The following C1orf21 variants were observed in gnomAD, a reference collection of about 807,000 sequenced individuals.
The protein encoded by C1orf21 is chromosome 1 open reading frame 21.
In C1orf21, 3 loss-of-function variants were observed where a neutral mutation model predicts 18.7. The observed-to-expected ratio is 0.16, with a 90% CI of 0.07 to 0.42. C1orf21 has a LOEUF of 0.42. Ranked by LOEUF, C1orf21 falls within the 10% of genes least tolerant of loss-of-function variation. The pLI is 0.99. For missense variants in C1orf21, 104 were observed against 143.6 expected, an observed-to-expected ratio of 0.72 and a Z score of 1.41; for synonymous variants, 41 against 46.4, an observed-to-expected ratio of 0.88 and a Z score of 0.47.
intron 2 of C1orf21, among the ~76,000 whole-genome samples, chr1:184,479,613 CTTTTTT>C (rs55840285): frequency 4.8e-5 from 3 of 62,214 alleles, no homozygotes; most frequent in East Asian, 1.2e-3. Context: ...TCCCATAGGT[CTTTTTT>C]TTTTTTTTTT....
intron 2 of C1orf21, among the ~76,000 whole-genome samples, chr1:184,506,985 G>T (rs1231002041): frequency 6.7e-6 from 1 of 150,168 alleles, no homozygotes; most frequent in Non-Finnish European, 1.5e-5. Context: ...ACATATATAT[G>T]AAATAAATAT....
chr1:184,603,234 A>G (rs1659608107), intron 5 of C1orf21, among the ~76,000 whole-genome samples: 1 of 152,206 alleles, frequency 6.6e-6, no homozygotes, highest in Non-Finnish European at 1.5e-5. Context: ...CTATCCATAG[A>G]TAGTTGTGAC....
chr1:184,523,966 C>T (rs557556779), intron 3 of C1orf21, among the ~76,000 whole-genome samples: 1 of 152,264 alleles, frequency 6.6e-6, no homozygotes, highest in African/African-American at 2.4e-5. Context: ...AATCTTACGT[C>T]AACTTGTCTT....
At chr1:184,508,872 A>G (rs1007973880) in intron 3 of C1orf21, among the ~76,000 whole-genome samples, 3 of 152,212 alleles carry the variant, frequency 2.0e-5, no homozygotes, top group African/African-American at 7.2e-5. Context: ...GAAAGTAGCT[A>G]TGACTAAATA....
chr1:184,510,730 C>A (rs1249038388), intron 3 of C1orf21, among the ~76,000 whole-genome samples: 2 of 152,168 alleles, frequency 1.3e-5, no homozygotes, highest in Non-Finnish European at 2.9e-5. Context: ...TAATGTCCAG[C>A]CAAGAGGCCT....
intron 1 of C1orf21, among the ~76,000 whole-genome samples, chr1:184,412,658 A>AG (rs1189069760): frequency 6.6e-6 from 1 of 151,836 alleles, no homozygotes. Context: ...AAAGAAAAAA[A>AG]ATAGTTGGGC....
chr1:184,410,664 T>TAA lies in C1orf21; in HGVS notation c.-125+23296_-125+23297insAA, dbSNP rs1553248058. Reference sequence around the variant, plus strand: ...ATATATATATATATATATATATATATTTTTTTTTTTTTTTTTTGAGATGGA... The same window carrying TAA: ...ATATATATATATATATATATATATATAATTTTTTTTTTTTTTTTTGAGATGGA... On this transcript the variant is annotated intron_variant, in intron 1 of 5. Coordinates refer to ENST00000235307, the MANE Select transcript of C1orf21 (RefSeq NM_030806.4). Among the ~76,000 whole-genome samples the TAA allele has an allele frequency of 4.0e-3, 12 of 3,010 alleles. 4 individuals carry two copies. The African/African-American group carries it at 0.054, about 13-fold the overall frequency. 2.0% of individuals were successfully genotyped at this position (3,010 alleles called of 152,430 possible).
chr1:184,429,656 A>G (rs1055877925), intron 1 of C1orf21, among the ~76,000 whole-genome samples: 1 of 151,912 alleles, frequency 6.6e-6, no homozygotes, highest in African/African-American at 2.4e-5. Context: ...ATGTTCCAGC[A>G]GCTTAGTAGC....
intron 1 of C1orf21, among the ~76,000 whole-genome samples, chr1:184,408,877 A>G (rs1656288933): frequency 6.6e-6 from 1 of 152,222 alleles, no homozygotes; most frequent in Non-Finnish European, 1.5e-5. Flanking sequence ...CATAATAAAA[A>G]TGGCACATTA....
At position 184,585,864 on chromosome 1, in the gene C1orf21, A is replaced by G. The variant is rs151264938; in HGVS notation, c.190-4875A>G. Among the ~76,000 whole-genome samples the G allele has an allele frequency of 6.2e-3, 947 of 152,224 alleles. 10 individuals carry two copies. The highest frequency in any genetic ancestry group is 0.022 in the African/African-American group (899 of 41,546). ...GTACCACATTTTCTTTATTCAGTCT[A>G]CCACTGGTGGGCATTTGGGTTGATT... On this transcript the variant is annotated intron_variant, in intron 3 of 5. Transcript: ENST00000235307.
chr1:184,481,944 C>T lies in C1orf21; in HGVS notation c.94+4341C>T, dbSNP rs112910318. Among the ~76,000 whole-genome samples the T allele has an allele frequency of 1.0e-3, 159 of 152,264 alleles. 2 individuals are homozygous for T. The highest frequency in any genetic ancestry group is 3.8e-3 in the African/African-American group (157 of 41,546). On this transcript the variant is annotated intron_variant, in intron 2 of 5. Transcript: ENST00000235307. ...TTAAGGTCTTGTCTGTGTTTCTTCA[C>T]TTAAATTAATTCGCAAGGAGAAGAA...
chr1:184,455,709 A>G (rs1657188553), intron 1 of C1orf21, among the ~76,000 whole-genome samples: 1 of 152,210 alleles, frequency 6.6e-6, no homozygotes, highest in Non-Finnish European at 1.5e-5. Flanking sequence ...AGCATCTAGA[A>G]TGGCTCCTGG....
At chr1:184,544,391 A>T (rs558337401) in intron 3 of C1orf21, among the ~76,000 whole-genome samples, 1 of 152,196 alleles carries the variant, frequency 6.6e-6, no homozygotes, top group African/African-American at 2.4e-5. Flanking sequence ...TGCCCCAAAG[A>T]ACTTTTGAAA....
intron 1 of C1orf21, among the ~76,000 whole-genome samples, chr1:184,403,558 A>G (rs1174011854): frequency 6.6e-6 from 1 of 152,228 alleles, no homozygotes. Context: ...AGGTATGTAC[A>G]TAATTGTTCA....
chr1:184,541,126 T>C (rs1006783792), intron 3 of C1orf21, among the ~76,000 whole-genome samples: 17 of 152,128 alleles, frequency 1.1e-4, no homozygotes, highest in Non-Finnish European at 2.1e-4. Flanking sequence ...TATGAAGGAA[T>C]TGGGATTTAA....
intron 2 of C1orf21, among the ~76,000 whole-genome samples, chr1:184,483,887 T>A (rs559143681): frequency 1.3e-3 from 198 of 147,718 alleles, no homozygotes; most frequent in African/African-American, 4.2e-3. Context: ...CATATCCACC[T>A]TTGCTGCCTT....
At chr1:184,524,016 T>A (rs1658343622) in intron 3 of C1orf21, among the ~76,000 whole-genome samples, 1 of 152,180 alleles carries the variant, frequency 6.6e-6, no homozygotes, top group African/African-American at 2.4e-5. Flanking sequence ...TCTTTTGACT[T>A]TTTACCACTA....
intron 1 of C1orf21, among the ~76,000 whole-genome samples, chr1:184,409,896 G>A (rs1371102167): frequency 2.6e-5 from 4 of 152,146 alleles, no homozygotes; most frequent in African/African-American, 7.2e-5. Flanking sequence ...ATGTAAATTC[G>A]TATAATGGCA....
chr1:184,583,081 C>T lies in C1orf21; in HGVS notation c.190-7658C>T, dbSNP rs111961390. Among the ~76,000 whole-genome samples the T allele has an allele frequency of 6.6e-5, 10 of 152,264 alleles. 2 individuals are homozygous for T. In the East Asian group the frequency reaches 7.7e-4, roughly 12 times the overall value. On this transcript the variant is annotated intron_variant, in intron 3 of 5. Transcript: ENST00000235307. ...CTCAAACTCCTGACCTCAGGTGATCCGCCCGCCTCGGCCTCCCAGAGTGCT... is the reference window on the plus strand; with the variant it reads ...CTCAAACTCCTGACCTCAGGTGATCTGCCCGCCTCGGCCTCCCAGAGTGCT...
Sources: allele counts gnomAD v4.1 joint callset (sites outside exome capture counted in the v4.1 genomes callset), GRCh38; gene constraint gnomAD v4.1.1; transcripts MANE v1.5; gene names NCBI Gene and HGNC (gene_info 2026-07-23, HGNC 2026-07-21).